The following KIAA2012 variants were observed in gnomAD, a reference collection of about 807,000 sequenced individuals.
KIAA2012 encodes the protein KIAA2012.
In KIAA2012, 125 loss-of-function variants were observed where a neutral mutation model predicts 150.6. The ratio of observed to expected loss-of-function variants is 0.83; its 90% CI spans 0.72 to 0.96. The LOEUF is 0.96. Ranked by LOEUF, KIAA2012 falls within the 40% of genes least tolerant of loss-of-function variation. The pLI is 0.00. For missense variants in KIAA2012, 1,219 were observed against 1,354.9 expected, an observed-to-expected ratio of 0.90 and a Z score of 1.57; for synonymous variants, 462 against 504.7, an observed-to-expected ratio of 0.92 and a Z score of 1.13.
At chr2:202,149,491 G>A (rs150781496) in intron 13 of KIAA2012, among the ~76,000 whole-genome samples, 2 of 152,316 alleles carry the variant, frequency 1.3e-5, no homozygotes, top group African/African-American at 4.8e-5. Flanking sequence ...CAGCTTGCCC[G>A]CAGGTTCCCG....
chr2:202,098,732 G>A (rs1052223144), intron 5 of KIAA2012, among the ~76,000 whole-genome samples: 6 of 151,556 alleles, frequency 4.0e-5, no homozygotes, highest in Non-Finnish European at 7.4e-5. Flanking sequence ...TGTCTAACAA[G>A]GTTACTGTGA....
intron 8 of KIAA2012, among the ~76,000 whole-genome samples, chr2:202,105,285 G>A (rs1418941902): frequency 1.3e-5 from 2 of 150,918 alleles, no homozygotes; most frequent in Non-Finnish European, 3.0e-5. Context: ...AGGAAGGGAA[G>A]GAAGGAAGGA....
In KIAA2012 at chr2:202,126,088, G is replaced by A. The variant is rs181769425; in HGVS notation, c.1831+806G>A. Among the ~76,000 whole-genome samples the A allele has an allele frequency of 3.0e-4, 46 of 151,882 alleles. No individual in the cohort carries two copies. The East Asian group carries it at 6.6e-3, about 22-fold the overall frequency. On this transcript the variant is annotated intron_variant, in intron 12 of 23. Transcript: ENST00000498697. ...TCCTGCCTCAGCCTCCTGAGTAGGC[G>A]GGATTACAGGCGCCTGCCACCAAGC...
intron 22 of KIAA2012, among the ~76,000 whole-genome samples, chr2:202,200,598 G>A (rs750856784): frequency 6.7e-6 from 1 of 150,240 alleles, no homozygotes; most frequent in Non-Finnish European, 1.5e-5. Flanking sequence ...GGGATGGGTG[G>A]GGCAAGGGAT....
At chr2:202,117,947 T>C (rs1390514966) in intron 11 of KIAA2012, among the ~76,000 whole-genome samples, 1 of 152,152 alleles carries the variant, frequency 6.6e-6, no homozygotes. Context: ...TGGCAAACTT[T>C]GGAAAATGCT....
chr2:202,195,538 A>G (rs1005169423), intron 21 of KIAA2012, among the ~76,000 whole-genome samples: 4 of 152,104 alleles, frequency 2.6e-5, no homozygotes, highest in African/African-American at 9.7e-5. Context: ...AAAAGAAAAA[A>G]GAAAAAAACT....
At chr2:202,199,908 T>C (rs1692482329) in intron 22 of KIAA2012, among the ~76,000 whole-genome samples, 1 of 148,350 alleles carries the variant, frequency 6.7e-6, no homozygotes, top group Non-Finnish European at 1.5e-5. Context: ...ATCTTCCTCC[T>C]TGCCCCTCAT....
chr2:202,100,475 A>AT (rs1690015338), intron 7 of KIAA2012, 26 bp downstream of exon 7: 1 of 1,530,214 alleles, frequency 6.5e-7, no homozygotes, highest in African/African-American at 1.4e-5. Context: ...ATGTTTGTGC[A>AT]TACAGGAGAG....
chr2:202,110,499 T>C (rs952695302), intron 10 of KIAA2012, among the ~76,000 whole-genome samples: 1 of 152,222 alleles, frequency 6.6e-6, no homozygotes, highest in African/African-American at 2.4e-5. Flanking sequence ...CAGGAATATG[T>C]GGTCCAGGCA....
chr2:202,201,850 A>G lies in KIAA2012; in HGVS notation c.3408-579A>G, dbSNP rs1460477016. ...GGATTCCCAGGAGGCTGCACAGGCT[A>G]GGTTGGCTGTGTTGGATATTGACCT... On this transcript the variant is annotated intron_variant, in intron 22 of 23. Transcript: ENST00000498697. The G allele has an allele frequency of 3.9e-6, 5 of 1,278,018 alleles. No homozygotes were observed. In the African/African-American group the frequency reaches 5.8e-5, roughly 15 times the overall value. The allele number at this position is 1,278,018 out of a possible 1,614,324, so 79.2% of individuals were successfully genotyped here.
intron 14 of KIAA2012, among the ~76,000 whole-genome samples, chr2:202,164,891 C>G (rs1691726640): frequency 6.6e-6 from 1 of 152,116 alleles, no homozygotes; most frequent in African/African-American, 2.4e-5. Context: ...AACCAGAAAG[C>G]TAACAGTGCT....
chr2:202,182,877 C>T lies in KIAA2012; in HGVS notation c.2120-1876C>T, dbSNP rs1333356441. 2.0e-5 allele frequency among the ~76,000 whole-genome samples: 3 copies of T among 152,106 alleles called. No homozygotes were observed. The East Asian group carries it at 5.8e-4, about 29-fold the overall frequency. ...AGTCATTCTAGTAGTTATGAGTTGA[C>T]TGTGGGGGTTTTGTTTCTTCTTTAT... On this transcript the variant is annotated intron_variant, in intron 15 of 23. Transcript: ENST00000498697.
In KIAA2012 at chr2:202,100,339, A is replaced by C. The variant is rs749621615; in HGVS notation, c.1045A>C (p.Arg349=). ...AAGGAACGTGAAACTCCACAAGGCC[A>C]GAAGCAGCCACTTGTTACAGGTGCT... ...KQRNVKLHKA[R]SSHLLQVLPA... The change falls in exon 7 of 24, where the codon AGA becomes CGA. Residue 349 remains arginine (R), a synonymous_variant. Coordinates refer to ENST00000498697, the MANE Select transcript of KIAA2012 (RefSeq NM_001277372.4). The C allele has an allele frequency of 6.4e-7, 1 of 1,550,634 alleles. No individual in the cohort carries two copies. Among genetic ancestry groups the C allele is most frequent in the Non-Finnish European group, 8.7e-7 (1 of 1,146,980 alleles).
intron 4 of KIAA2012, among the ~76,000 whole-genome samples, chr2:202,094,666 A>G (rs1689817932): frequency 6.6e-6 from 1 of 151,996 alleles, no homozygotes. Flanking sequence ...CTGTAGGAGC[A>G]CACCACCACT....
intron 13 of KIAA2012, among the ~76,000 whole-genome samples, chr2:202,141,103 G>A (rs921236776): frequency 2.0e-5 from 3 of 152,304 alleles, no homozygotes; most frequent in South Asian, 2.1e-4. Context: ...CTGGGGTGAC[G>A]GCGTTCCCTG....
intron 2 of KIAA2012, among the ~76,000 whole-genome samples, chr2:202,082,975 A>G (rs980527786): frequency 6.6e-6 from 1 of 152,188 alleles, no homozygotes; most frequent in African/African-American, 2.4e-5. Context: ...TCATCAAGAC[A>G]GGATTACAAA....
intron 22 of KIAA2012, among the ~76,000 whole-genome samples, chr2:202,199,981 A>G (rs866985869): frequency 9.7e-4 from 113 of 116,580 alleles, no homozygotes; most frequent in African/African-American, 3.7e-3. Flanking sequence ...GCCAGGCTGG[A>G]GTGCAGTGGC....
At chr2:202,204,873 CTACT>C (rs1255132967) in intron 23 of KIAA2012, 121 bp from the exon 24 acceptor site, 1 of 152,190 alleles carries the variant, frequency 6.6e-6, no homozygotes, top group African/African-American at 2.4e-5. Flanking sequence ...TCATTCAATA[CTACT>C]TAATCAGATA....
At chr2:202,126,593 G>A (rs1199043312) in intron 12 of KIAA2012, among the ~76,000 whole-genome samples, 3 of 146,042 alleles carry the variant, frequency 2.1e-5, no homozygotes, top group Non-Finnish European at 3.0e-5. Flanking sequence ...TCTTAAATAG[G>A]AGCCCTCAGT....
Sources: gnomAD v4.1 joint callset for allele counts (sites outside exome capture counted in the v4.1 genomes callset) on GRCh38, gnomAD v4.1.1 for gene constraint, MANE v1.5 for transcripts, NCBI Gene and HGNC (gene_info 2026-07-23, HGNC 2026-07-21) for gene names.